The following EEFSEC variants were observed in gnomAD, a reference collection of about 807,000 sequenced individuals.
EEFSEC encodes the protein selenocysteine-specific elongation factor.
EEFSEC carries 43 observed loss-of-function variants against 42.1 expected under a neutral mutation model. The observed-to-expected ratio is 1.02, with a 90% CI of 0.80 to 1.32. The LOEUF is 1.32. Among genes scored for constraint, EEFSEC ranks in the 40% most tolerant of loss-of-function variants. EEFSEC has a pLI of 0.00. For missense variants in EEFSEC, 745 were observed against 803.6 expected (o/e 0.93, Z 0.88); for synonymous variants, 354 against 339.1 (o/e 1.04, Z -0.48).
chr3:128,180,109 T>C (rs1488704761), intron 1 of EEFSEC, among the ~76,000 whole-genome samples: 1 of 152,218 alleles, frequency 6.6e-6, no homozygotes, highest in Non-Finnish European at 1.5e-5. Context: ...TGGTTTTTTT[T>C]TGCCATTTTG....
In EEFSEC at chr3:128,341,486, G is replaced by A. The variant is rs149382419; in HGVS notation, c.1040G>A (p.Arg347Gln). The part of the protein sequence containing the change: ...ITVGHETVMG[R>Q]LMFFSPAPDN... ...GTGGGCCATGAAACAGTCATGGGCCGGTTGATGTTCTTCAGTCCTGCTCCA... is the reference window on the plus strand; with the variant it reads ...GTGGGCCATGAAACAGTCATGGGCCAGTTGATGTTCTTCAGTCCTGCTCCA... The change falls in exon 5 of 7, where the codon CGG becomes CAG. Residue 347 changes from arginine (R) to glutamine (Q), a missense_variant. By Grantham distance (43) the Arg-to-Gln change is conservative. Coordinates refer to ENST00000254730, the MANE Select transcript of EEFSEC (RefSeq NM_021937.5). 1,198 of 1,614,022 alleles carry A rather than the reference G, an allele frequency of 7.4e-4. 2 individuals carry two copies. Among genetic ancestry groups the A allele is most frequent in the Non-Finnish European group, 9.6e-4 (1,131 of 1,180,040 alleles).
At chr3:128,390,819 C>T (rs2107623703) in intron 6 of EEFSEC, among the ~76,000 whole-genome samples, 1 of 152,346 alleles carries the variant, frequency 6.6e-6, no homozygotes, top group East Asian at 1.9e-4. Context: ...CACCCCGGCT[C>T]CATCTCCTGC....
intron 3 of EEFSEC, 52 bp from the exon 4 acceptor site, chr3:128,264,565 C>G: frequency 3.8e-6 from 6 of 1,589,640 alleles, no homozygotes; most frequent in Non-Finnish European, 5.2e-6. Flanking sequence ...CTCTGCCCTG[C>G]CCCATCTGGC....
chr3:128,182,623 T>A (rs1456316566), intron 1 of EEFSEC, among the ~76,000 whole-genome samples: 1 of 152,204 alleles, frequency 6.6e-6, no homozygotes, highest in East Asian at 1.9e-4. Context: ...ACTTGTGCTA[T>A]CTCGAACAGT....
At chr3:128,251,528 T>C (rs923264048) in intron 2 of EEFSEC, among the ~76,000 whole-genome samples, 1 of 152,208 alleles carries the variant, frequency 6.6e-6, no homozygotes, top group African/African-American at 2.4e-5. Context: ...GTAGAAATGG[T>C]ATTTTGTTCT....
At chr3:128,307,533 C>A (rs1035594742) in intron 4 of EEFSEC, among the ~76,000 whole-genome samples, 3 of 152,204 alleles carry the variant, frequency 2.0e-5, no homozygotes, top group Non-Finnish European at 4.4e-5. Context: ...TAGAGGCATA[C>A]CCTATGTCCA....
rs1406704629 is a variant in EEFSEC, at chr3:128,262,244, A to G, written c.621+20A>G. On this transcript the variant is annotated intron_variant, in intron 3 of 6. Coordinates refer to ENST00000254730, the MANE Select transcript of EEFSEC (RefSeq NM_021937.5). The stretch of plus-strand genomic sequence containing the variant: ...ATTGAGGTACTGTCATCTTGAATCC[A>G]GGTTGCCCTTTAGCCCCAGCGCTGC... The G allele has an allele frequency of 6.2e-7, 1 of 1,612,624 alleles. No individual in the cohort carries two copies. Among genetic ancestry groups the G allele is most frequent in the South Asian group, 1.1e-5 (1 of 91,046 alleles).
chr3:128,215,993 C>T (rs1280371982), intron 1 of EEFSEC, among the ~76,000 whole-genome samples: 2 of 152,060 alleles, frequency 1.3e-5, no homozygotes, highest in African/African-American at 4.8e-5. Flanking sequence ...GGGAGAGAGG[C>T]GATCCTAAAG....
chr3:128,156,436 G>A lies in EEFSEC; in HGVS notation c.316+2613G>A, dbSNP rs574572048. Among the ~76,000 whole-genome samples the A allele has an allele frequency of 5.9e-5, 9 of 152,268 alleles. No homozygotes were observed. In the East Asian group the frequency reaches 7.7e-4, roughly 13 times the overall value. ...AGGTTACCCTATAGTTCCCTCATCC[G>A]CTTCCAACATACGTGCATACCTCAT... On this transcript the variant is annotated intron_variant, in intron 1 of 6. Coordinates refer to ENST00000254730, the MANE Select transcript of EEFSEC (RefSeq NM_021937.5).
chr3:128,360,777 A>G (rs927606771), intron 6 of EEFSEC, among the ~76,000 whole-genome samples: 2 of 152,026 alleles, frequency 1.3e-5, no homozygotes, highest in South Asian at 2.1e-4. Context: ...TCAGTCCACT[A>G]GAGTTCACAT....
chr3:128,163,678 C>T (rs2065213865), intron 1 of EEFSEC, among the ~76,000 whole-genome samples: 1 of 152,056 alleles, frequency 6.6e-6, no homozygotes, highest in Non-Finnish European at 1.5e-5. Context: ...AAAGAAACCA[C>T]ATCCCTACCA....
intron 1 of EEFSEC, among the ~76,000 whole-genome samples, chr3:128,226,704 C>T (rs9824440): frequency 0.044 from 6,672 of 152,192 alleles, 489 homozygotes; most frequent in African/African-American, 0.15. Context: ...GTGTGTGTTT[C>T]CCCCAGAAGA....
rs778696433 is a variant in EEFSEC, at chr3:128,341,767, A to C, written c.1321A>C (p.Thr441Pro). 5 of 1,614,126 alleles carry C rather than the reference A, an allele frequency of 3.1e-6. No individual in the cohort carries two copies. The highest frequency in any genetic ancestry group is 4.2e-6 in the Non-Finnish European group (5 of 1,180,044). The change falls in exon 5 of 7, where the codon ACG becomes CCG. Residue 441 changes from threonine (T) to proline (P), a missense_variant. By Grantham distance (38) the Thr-to-Pro change is conservative. Coordinates refer to ENST00000254730, the MANE Select transcript of EEFSEC (RefSeq NM_021937.5). ...GCTAGATGCGGACATTCACACCAAC[A>C]CGTGCCGGCTAGCCTTCCATGGCAT... ...SRLDADIHTN[T>P]CRLAFHGILL...
At chr3:128,423,741 A>G in the EEFSEC span, among the ~76,000 whole-genome samples, 1 of 152,314 alleles carries the variant, frequency 6.6e-6, no homozygotes, top group South Asian at 2.1e-4. Flanking sequence ...TTCTAAACTT[A>G]GATTGTAGTG....
At chr3:128,399,325 G>A (rs2068021085) in intron 6 of EEFSEC, among the ~76,000 whole-genome samples, 1 of 152,132 alleles carries the variant, frequency 6.6e-6, no homozygotes, top group Non-Finnish European at 1.5e-5. Flanking sequence ...CAAAATGGGG[G>A]TGCGGGGCGC....
At chr3:128,153,881 C>T in intron 1 of EEFSEC, 58 bp downstream of exon 1, 1 of 1,441,202 alleles carries the variant, frequency 6.9e-7, no homozygotes, top group Non-Finnish European at 9.0e-7. Flanking sequence ...CGACCGGGCC[C>T]CGTGTCCGAA....
At chr3:128,201,360 A>G (rs1001828962) in intron 1 of EEFSEC, among the ~76,000 whole-genome samples, 4 of 151,334 alleles carry the variant, frequency 2.6e-5, no homozygotes, top group African/African-American at 9.7e-5. Context: ...GGCATCTCTG[A>G]CCCAGAGTTC....
intron 2 of EEFSEC, among the ~76,000 whole-genome samples, chr3:128,258,474 A>G (rs1044809904): frequency 7.2e-5 from 11 of 152,200 alleles, no homozygotes; most frequent in Non-Finnish European, 8.8e-5. Context: ...CATCTCTAAA[A>G]TGATAATATA....
At chr3:128,369,244 G>T (rs2067625662) in intron 6 of EEFSEC, among the ~76,000 whole-genome samples, 1 of 152,176 alleles carries the variant, frequency 6.6e-6, no homozygotes, top group Non-Finnish European at 1.5e-5. Context: ...ACACATCCTG[G>T]TGCCAAAGGG....
Sources: allele counts gnomAD v4.1 joint callset (sites outside exome capture counted in the v4.1 genomes callset), GRCh38; gene constraint gnomAD v4.1.1; transcripts MANE v1.5; gene names NCBI Gene and HGNC (gene_info 2026-07-23, HGNC 2026-07-21).